Variants in KCNQ3 observed in about 807,000 individuals in gnomAD.
KCNQ3 encodes the protein potassium voltage-gated channel subfamily KQT member 3.
In KCNQ3, 30 loss-of-function variants were observed where a neutral mutation model predicts 92.5. The observed-to-expected ratio is 0.32, with a 90% confidence interval of 0.24 to 0.44. KCNQ3 has a LOEUF of 0.44. Ranked by LOEUF, KCNQ3 falls within the 20% of genes least tolerant of loss-of-function variation. The pLI is 1.00. For missense variants in KCNQ3, 913 were observed against 1,140.3 expected (o/e 0.80, Z 2.87); for synonymous variants, 450 against 468.8 (o/e 0.96, Z 0.52).
intron 1 of KCNQ3, among the ~76,000 whole-genome samples, chr8:132,260,254 T>C (rs1463578104): frequency 4.6e-5 from 7 of 152,216 alleles, no homozygotes; most frequent in Non-Finnish European, 1.5e-5. Flanking sequence ...TTTTCTGTAT[T>C]TTCTCTTCTA....
At position 132,404,074 on chromosome 8, in the gene KCNQ3, C is replaced by T. The variant is rs538559972; in HGVS notation, c.386+76073G>A. ...CTTGCCTGGAATAACATGTCTCAGA[C>T]TTGCCCACTTCCCCTTCTCTTGCAT... On this transcript the variant is annotated intron_variant, in intron 1 of 14. Coordinates refer to ENST00000388996, the MANE Select transcript of KCNQ3 (RefSeq NM_004519.4). Among the ~76,000 whole-genome samples the T allele has an allele frequency of 4.6e-5, 7 of 152,338 alleles. No individual in the cohort carries two copies. The East Asian group carries it at 1.3e-3, about 29-fold the overall frequency.
At chr8:132,229,260 C>CAAAA (rs377431481) in intron 1 of KCNQ3, among the ~76,000 whole-genome samples, 2 of 118,896 alleles carry the variant, frequency 1.7e-5, no homozygotes, top group African/African-American at 7.0e-5. Flanking sequence ...GACTCCGTCT[C>CAAAA]AAAAAAAAAA....
At chr8:132,351,883 A>G in intron 1 of KCNQ3, among the ~76,000 whole-genome samples, 1 of 152,156 alleles carries the variant, frequency 6.6e-6, no homozygotes, top group East Asian at 1.9e-4. Context: ...CAGTGGGCAA[A>G]TCGCTTCTGC....
At chr8:132,340,278 T>A (rs958934565) in intron 1 of KCNQ3, among the ~76,000 whole-genome samples, 3 of 152,172 alleles carry the variant, frequency 2.0e-5, no homozygotes, top group Admixed American at 2.0e-4. Flanking sequence ...CCCAAAGGAT[T>A]ATAAATCATT....
At chr8:132,227,704 A>C (rs1343416984) in intron 1 of KCNQ3, among the ~76,000 whole-genome samples, 1 of 152,208 alleles carries the variant, frequency 6.6e-6, no homozygotes, top group African/African-American at 2.4e-5. Context: ...CCGGGGCTCC[A>C]AGGAAAAATC....
intron 1 of KCNQ3, among the ~76,000 whole-genome samples, chr8:132,424,175 G>A (rs1027006774): frequency 6.0e-5 from 9 of 150,960 alleles, no homozygotes; most frequent in African/African-American, 2.2e-4. Context: ...AGTGAACTAG[G>A]GACAGAATCA....
intron 1 of KCNQ3, among the ~76,000 whole-genome samples, chr8:132,287,572 A>T (rs902635964): frequency 2.0e-5 from 3 of 152,244 alleles, no homozygotes; most frequent in African/African-American, 7.2e-5. Flanking sequence ...CAGATAATGG[A>T]ATATTACTCA....
chr8:132,383,038 C>A (rs1056758022), intron 1 of KCNQ3, among the ~76,000 whole-genome samples: 2 of 152,174 alleles, frequency 1.3e-5, no homozygotes, highest in African/African-American at 2.4e-5. Flanking sequence ...GTACCTAATT[C>A]TTCCTAAAAC....
chr8:132,218,298 C>T (rs1246432880), intron 1 of KCNQ3, among the ~76,000 whole-genome samples: 7 of 152,274 alleles, frequency 4.6e-5, no homozygotes, highest in East Asian at 3.9e-4. Flanking sequence ...GGATGGATGG[C>T]GCATAAAACA....
At position 132,478,614 on chromosome 8, in the gene KCNQ3, C is replaced by T. The variant is rs1308433048; in HGVS notation, c.386+1533G>A. Among the ~76,000 whole-genome samples the T allele has an allele frequency of 4.1e-5, 6 of 147,328 alleles. No homozygotes were observed. In the Admixed American group the frequency reaches 4.1e-4, roughly 10 times the overall value. On this transcript the variant is annotated intron_variant, in intron 1 of 14. Transcript: ENST00000388996. The stretch of plus-strand genomic sequence containing the variant: ...GCCGTCTCTCCAACCAGACCCCGAC[C>T]AACACCTGCAAATAGACACACACAC...
rs188204416 is a variant in KCNQ3, at chr8:132,210,052, T to A, written c.387-23871A>T. ...GACTTAGACTTCCTGGGCATCACAA[T>A]GTCCTGGAACCCCAGTCTGCAAAGC... On this transcript the variant is annotated intron_variant, in intron 1 of 14. Transcript: ENST00000388996. 3.3e-5 allele frequency among the ~76,000 whole-genome samples: 5 copies of A among 152,326 alleles called. No individual in the cohort carries two copies. In the East Asian group the frequency reaches 9.6e-4, roughly 29 times the overall value.
intron 1 of KCNQ3, among the ~76,000 whole-genome samples, chr8:132,187,954 G>GCTGGTGGTAGTGC (rs879553863): frequency 6.6e-6 from 1 of 150,672 alleles, no homozygotes; most frequent in Non-Finnish European, 1.5e-5. Context: ...GGTGGTGGTT[G>GCTGGTGGTAGTGC]TGATGATGGT....
At position 132,479,949 on chromosome 8, in the gene KCNQ3, AACACACACACACACACAC is replaced by A. The variant is rs371967111; in HGVS notation, c.386+180_386+197del. 4.7e-4 allele frequency among the ~76,000 whole-genome samples: 65 copies of A among 137,180 alleles called. No homozygotes were observed. The East Asian group carries it at 7.7e-3, about 16-fold the overall frequency. 90.0% of individuals were successfully genotyped at this position (137,180 alleles called of 152,430 possible). On this transcript the variant is annotated intron_variant, in intron 1 of 14. Coordinates refer to ENST00000388996, the MANE Select transcript of KCNQ3 (RefSeq NM_004519.4). ...TAGTGTGGAACACCCGGAGAGCGGC[AACACACACACACACACAC>A]ACACACACACACACACACACACACA...
chr8:132,345,851 AATGATGAAATG>A (rs1818672085), intron 1 of KCNQ3, among the ~76,000 whole-genome samples: 12 of 152,088 alleles, frequency 7.9e-5, no homozygotes, highest in Admixed American at 7.9e-4. Flanking sequence ...TGATGATGAT[AATGATGAAATG>A]GTGATGATGG....
At chr8:132,470,778 T>C (rs965094518) in intron 1 of KCNQ3, among the ~76,000 whole-genome samples, 2 of 152,264 alleles carry the variant, frequency 1.3e-5, no homozygotes, top group African/African-American at 4.8e-5. Flanking sequence ...TTAGCCTCCA[T>C]TAACTGAAAC....
intron 12 of KCNQ3, 83 bp from the exon 13 acceptor site, chr8:132,134,471 A>T: frequency 2.1e-6 from 2 of 967,934 alleles, no homozygotes; most frequent in Non-Finnish European, 1.6e-6. Flanking sequence ...TCTCTCTAGA[A>T]TGAGATAAGG....
At chr8:132,388,041 GGAA>G (rs200297014) in intron 1 of KCNQ3, among the ~76,000 whole-genome samples, 1,724 of 135,170 alleles carry the variant, frequency 0.013, 19 homozygotes, top group Non-Finnish European at 0.019. Context: ...AAGAGGAAGA[GGAA>G]GAAGAAGAAG....
chr8:132,456,391 A>G (rs1386244230), intron 1 of KCNQ3, among the ~76,000 whole-genome samples: 1 of 152,038 alleles, frequency 6.6e-6, no homozygotes, highest in East Asian at 1.9e-4. Context: ...TGAAAGCAAC[A>G]AGGTCCCCAG....
At chr8:132,169,131 C>T (rs890441009) in intron 8 of KCNQ3, among the ~76,000 whole-genome samples, 8 of 152,298 alleles carry the variant, frequency 5.3e-5, no homozygotes, top group Admixed American at 3.9e-4. Context: ...GCTAGCTTCT[C>T]TGAAAGTAGC....
Sources: gnomAD v4.1 joint callset for allele counts (sites outside exome capture counted in the v4.1 genomes callset) on GRCh38, gnomAD v4.1.1 for gene constraint, MANE v1.5 for transcripts, NCBI Gene and HGNC (gene_info 2026-07-23, HGNC 2026-07-21) for gene names.